Variants in SULF2 observed in about 807,000 individuals in gnomAD.
The protein encoded by SULF2 is extracellular sulfatase Sulf-2.
Under a neutral mutation model 107.7 loss-of-function variants are expected in SULF2, and 52 were observed. That is an observed-to-expected ratio of 0.48 (90% CI 0.39 to 0.61). The LOEUF (loss-of-function observed/expected upper bound fraction) is 0.61. Ranked by LOEUF, SULF2 falls within the 20% of genes least tolerant of loss-of-function variation. SULF2 has a pLI of 0.00. For synonymous variants in SULF2, 460 were observed against 464.3 expected (o/e 0.99, Z 0.12); for missense variants, 993 against 1,177.3 (o/e 0.84, Z 2.29).
rs546810540 is a variant in SULF2 at position 47,783,215 on chromosome 20, T to C, written c.-101+2128A>G. Among the ~76,000 whole-genome samples, 3 of 139,564 alleles carry C rather than the reference T, an allele frequency of 2.1e-5. No homozygotes were observed. In the East Asian group the frequency reaches 5.8e-4, roughly 27 times the overall value. 91.6% of individuals were successfully genotyped at this position (139,564 alleles called of 152,430 possible). On this transcript the variant is annotated intron_variant, in intron 1 of 20. Transcript: ENST00000688720. ...TATCTTAAGTCTGGACTAAACCTTT[T>C]CTTTTAACTACAAGCTGGTCAGAAA... is the stretch of plus-strand genomic sequence containing the variant.
intron 1 of SULF2, among the ~76,000 whole-genome samples, chr20:47,781,729 G>A (rs2090836816): frequency 6.6e-6 from 1 of 152,052 alleles, no homozygotes; most frequent in Non-Finnish European, 1.5e-5. Context: ...CAGGTGCTAT[G>A]ATCATCATCA....
At chr20:47,785,007 C>A (rs1462191387) in intron 1 of SULF2, among the ~76,000 whole-genome samples, 1 of 152,130 alleles carries the variant, frequency 6.6e-6, no homozygotes, top group Non-Finnish European at 1.5e-5. Context: ...TGCGGATGGC[C>A]GGCCCAGGCG....
intron 7 of SULF2, among the ~76,000 whole-genome samples, chr20:47,682,709 C>T (rs1404408224): frequency 6.6e-6 from 1 of 152,192 alleles, no homozygotes; most frequent in African/African-American, 2.4e-5. Context: ...CATTCCCACC[C>T]GCTGGTGACA....
At chr20:47,766,399 AG>A (rs919381330) in intron 1 of SULF2, among the ~76,000 whole-genome samples, 6 of 152,238 alleles carry the variant, frequency 3.9e-5, no homozygotes, top group African/African-American at 1.2e-4. Flanking sequence ...CCGGCTCTCA[AG>A]AACAGGGCAG....
At chr20:47,731,187 C>CTCTT (rs1186229502) in intron 3 of SULF2, among the ~76,000 whole-genome samples, 2,096 of 81,066 alleles carry the variant, frequency 0.026, 186 homozygotes, top group African/African-American at 0.12. Context: ...TGTATCTTCT[C>CTCTT]TTTTTTTTTT....
intron 11 of SULF2, among the ~76,000 whole-genome samples, chr20:47,667,524 CAG>C (rs1262352720): frequency 6.6e-6 from 1 of 152,048 alleles, no homozygotes; most frequent in Non-Finnish European, 1.5e-5. Flanking sequence ...AGAAAGGAAA[CAG>C]ATGTCTCACG....
intron 3 of SULF2, among the ~76,000 whole-genome samples, chr20:47,703,041 C>T (rs1416985593): frequency 2.6e-5 from 4 of 152,108 alleles, no homozygotes; most frequent in South Asian, 2.1e-4. Flanking sequence ...CTCAGCCTCC[C>T]GAGTAATCCT....
chr20:47,744,331 T>A (rs1056359369), intron 2 of SULF2, among the ~76,000 whole-genome samples: 1 of 152,104 alleles, frequency 6.6e-6, no homozygotes, highest in Non-Finnish European at 1.5e-5. Context: ...TACAGGCAAG[T>A]ACCACCATGC....
At position 47,683,134 on chromosome 20, in the gene SULF2, G is replaced by C. The variant is rs769361738; in HGVS notation, c.924C>G (p.Asp308Glu). The C allele has an allele frequency of 6.2e-7, 1 of 1,610,870 alleles. No homozygotes were observed. Residue 308 changes from aspartate (D) to glutamate (E), a missense_variant, in exon 7 of 21, where the codon GAC (aspartate) becomes GAG (glutamate). Asp to Glu is a conservative substitution (Grantham distance 45, BLOSUM62 2). Coordinates refer to ENST00000688720, the MANE Select transcript of SULF2 (RefSeq NM_001387048.1). ...CGGCGGTGTATACGATGTACGTGTT[G>C]TCCAGCTCGCCCGTCTCAACCAGCA... ...YNMLVETGEL[D>E]NTYIVYTADH... is the part of the protein sequence containing the mutation.
rs972641887 is a variant in SULF2, at chr20:47,666,548, G to A, written c.1577-60C>T. On this transcript the variant is annotated intron_variant, in intron 11 of 20. Transcript: ENST00000688720. The surrounding 1 kb of genome is among the most constrained non-coding windows in gnomAD (Gnocchi z 5.4). The stretch of plus-strand genomic sequence containing the variant: ...GCAGGAAAGGCTGGCCAGGCTCCCA[G>A]GGCAGTGGGTCCTTCATCAAGATAG... 2.9e-6 allele frequency: 4 copies of A among 1,369,798 alleles called. No individual in the cohort carries two copies. In the African/African-American group the frequency reaches 4.3e-5, roughly 15 times the overall value. 84.9% of individuals were successfully genotyped at this position (1,369,798 alleles called of 1,614,324 possible). A position where few individuals can be genotyped will look rare whatever the true frequency, so the allele number is the denominator to read the frequency against.
At chr20:47,720,143 CG>C in intron 3 of SULF2, among the ~76,000 whole-genome samples, 1 of 152,052 alleles carries the variant, frequency 6.6e-6, no homozygotes, top group East Asian at 1.9e-4. Context: ...TTATTAGAGA[CG>C]GGGTTTCACG....
chr20:47,777,579 T>G (rs1408629453), intron 1 of SULF2, among the ~76,000 whole-genome samples: 3 of 152,200 alleles, frequency 2.0e-5, no homozygotes, highest in East Asian at 1.9e-4. Context: ...GAATTAAATG[T>G]TTCTATTGCA....
chr20:47,728,065 G>A (rs192996805), intron 3 of SULF2, among the ~76,000 whole-genome samples: 3 of 152,306 alleles, frequency 2.0e-5, no homozygotes, highest in Admixed American at 6.5e-5. Flanking sequence ...GGTGTTCGCT[G>A]CAGAGAGACA....
chr20:47,665,035 AC>A, intron 14 of SULF2, among the ~76,000 whole-genome samples, 163 bp downstream of exon 14: 1 of 152,336 alleles, frequency 6.6e-6, no homozygotes. Context: ...CGTGTGCCAC[AC>A]TGGCTGACAA....
intron 3 of SULF2, among the ~76,000 whole-genome samples, chr20:47,728,116 G>T (rs1044155081): frequency 6.6e-6 from 1 of 152,186 alleles, no homozygotes; most frequent in Non-Finnish European, 1.5e-5. Context: ...ACTCCACGGG[G>T]TGAATGGAGA....
intron 1 of SULF2, among the ~76,000 whole-genome samples, chr20:47,783,637 T>C (rs933219368): frequency 3.3e-5 from 5 of 152,068 alleles, no homozygotes; most frequent in African/African-American, 1.2e-4. Flanking sequence ...TAAATTCAAA[T>C]AAAAAACCCA....
chr20:47,663,776 C>T (rs908703729), intron 15 of SULF2, among the ~76,000 whole-genome samples, 154 bp from the exon 16 acceptor site: 3 of 152,222 alleles, frequency 2.0e-5, no homozygotes, highest in African/African-American at 7.2e-5. Flanking sequence ...CAGTGCTGCT[C>T]CAAGGCAGAG....
At chr20:47,758,823 G>A (rs1033899267) in intron 1 of SULF2, among the ~76,000 whole-genome samples, 1 of 152,238 alleles carries the variant, frequency 6.6e-6, no homozygotes, top group Non-Finnish European at 1.5e-5. Context: ...GCCAAGTGCT[G>A]TGGGGGTGGC....
At chr20:47,779,810 T>C (rs2090791021) in intron 1 of SULF2, among the ~76,000 whole-genome samples, 1 of 152,162 alleles carries the variant, frequency 6.6e-6, no homozygotes, top group South Asian at 2.1e-4. Flanking sequence ...TTTCACCATG[T>C]TGGCCAGGCT....
Sources: gnomAD v4.1 joint callset for allele counts (sites outside exome capture counted in the v4.1 genomes callset) on GRCh38, gnomAD v4.1.1 for gene constraint, Gnocchi (gnomAD v3.1) non-coding constraint, MANE v1.5 for transcripts, NCBI Gene and HGNC (gene_info 2026-07-23, HGNC 2026-07-21) for gene names.